SOX5: variants seen among roughly 807,000 people sequenced by gnomAD.
The protein encoded by SOX5 is transcription factor SOX-5.
SOX5 carries 9 observed loss-of-function variants against 92.0 expected under a neutral mutation model. The ratio of observed to expected loss-of-function variants is 0.10; its 90% CI spans 0.06 to 0.17. The LOEUF is 0.17. SOX5 is among the 10% of genes least tolerant of loss of function. The pLI is 1.00. For missense variants in SOX5, 642 were observed against 944.5 expected (o/e 0.68, Z 4.20); for synonymous variants, 344 against 336.3 (o/e 1.02, Z -0.25).
Position 23,591,306 on chromosome 12 carries a change from GTTA to G in SOX5, c.1164+13078_1164+13080del, listed in dbSNP as rs1475153784. Among the ~76,000 whole-genome samples, 4 of 152,168 alleles carry G rather than the reference GTTA, an allele frequency of 2.6e-5. No homozygotes were observed. In the East Asian group the frequency reaches 7.7e-4, roughly 29 times the overall value. ...AGGGTTCAATTAATATTAAGATTTA[GTTA>G]TTATAATGCAAACATTAATCAGGTG... On this transcript the variant is annotated intron_variant, in intron 9 of 14. Coordinates refer to ENST00000451604, the MANE Select transcript of SOX5 (RefSeq NM_006940.6).
At chr12:24,443,667 G>A (rs1234027506) in intron 1 of SOX5, among the ~76,000 whole-genome samples, 1 of 152,218 alleles carries the variant, frequency 6.6e-6, no homozygotes, top group Non-Finnish European at 1.5e-5. Context: ...ACTGAGACTG[G>A]TTAGCTGAAG....
intron 4 of SOX5, among the ~76,000 whole-genome samples, chr12:24,191,186 GA>G (rs1956488987): frequency 6.6e-6 from 1 of 152,192 alleles, no homozygotes; most frequent in African/African-American, 2.4e-5. Context: ...AGTCAAAGAA[GA>G]CGACAGTGAT....
chr12:24,468,385 A>G, intron 1 of SOX5, among the ~76,000 whole-genome samples: 1 of 151,946 alleles, frequency 6.6e-6, no homozygotes, highest in East Asian at 1.9e-4. Flanking sequence ...AAATTAGTTC[A>G]TGTACAGCAT....
At chr12:23,590,673 CT>C (rs796187004) in intron 9 of SOX5, among the ~76,000 whole-genome samples, 1 of 152,000 alleles carries the variant, frequency 6.6e-6, no homozygotes, top group East Asian at 1.9e-4. Context: ...AATTGCTGTT[CT>C]TTTTTTATTC....
At chr12:24,015,606 G>C (rs1953498505) in intron 4 of SOX5, among the ~76,000 whole-genome samples, 1 of 152,136 alleles carries the variant, frequency 6.6e-6, no homozygotes, top group African/African-American at 2.4e-5. Context: ...CTAATACACT[G>C]TATATACTGA....
At chr12:24,540,553 T>C (rs1952029873) in intron 1 of SOX5, among the ~76,000 whole-genome samples, 1 of 152,158 alleles carries the variant, frequency 6.6e-6, no homozygotes. Flanking sequence ...TTTCATCATT[T>C]CAGAGAGACA....
At chr12:23,824,370 A>G (rs969931019) in intron 3 of SOX5, among the ~76,000 whole-genome samples, 1 of 152,346 alleles carries the variant, frequency 6.6e-6, no homozygotes, top group Non-Finnish European at 1.5e-5. Flanking sequence ...TCTAACAGTC[A>G]GACCTCTCTT....
chr12:24,529,963 T>C (rs1951038822), intron 1 of SOX5, among the ~76,000 whole-genome samples: 1 of 135,754 alleles, frequency 7.4e-6, no homozygotes, highest in Non-Finnish European at 1.5e-5. Flanking sequence ...GAGCTTGCAG[T>C]GAGCTGAGAT....
At position 23,719,808 on chromosome 12, in the gene SOX5, A is replaced by C. The variant is rs1466182440; in HGVS notation, c.810+14876T>G. On this transcript the variant is annotated intron_variant, in intron 6 of 14. Transcript: ENST00000451604. Reference sequence around the variant, plus strand: ...TTTACCAAAAAAAAAAAAAAAAAAAAAAACTGATGGATAGTTATTTCTGCA... The same window carrying C: ...TTTACCAAAAAAAAAAAAAAAAAAACAAACTGATGGATAGTTATTTCTGCA... 9.7e-5 allele frequency among the ~76,000 whole-genome samples: 11 copies of C among 113,802 alleles called. No homozygotes were observed. The East Asian group carries it at 2.9e-3, about 30-fold the overall frequency. 74.7% of individuals were successfully genotyped at this position (113,802 alleles called of 152,430 possible).
At chr12:23,863,210 G>A (rs1041442701) in intron 2 of SOX5, among the ~76,000 whole-genome samples, 2 of 152,060 alleles carry the variant, frequency 1.3e-5, no homozygotes, top group Non-Finnish European at 2.9e-5. Context: ...TGTAACATGG[G>A]TTAGCTAATT....
intron 2 of SOX5, among the ~76,000 whole-genome samples, chr12:24,344,100 T>C (rs891954269): frequency 2.3e-4 from 35 of 151,816 alleles, no homozygotes; most frequent in Non-Finnish European, 1.0e-4. Context: ...CTGACCAACA[T>C]GGTGAAACCC....
chr12:24,009,660 C>T (rs1460863372), intron 4 of SOX5, among the ~76,000 whole-genome samples: 1 of 152,150 alleles, frequency 6.6e-6, no homozygotes, highest in East Asian at 1.9e-4. Flanking sequence ...TGGCTTGAAA[C>T]ATTCATTATT....
chr12:24,049,746 T>C (rs977378821), intron 4 of SOX5, among the ~76,000 whole-genome samples: 1 of 145,448 alleles, frequency 6.9e-6, no homozygotes, highest in African/African-American at 2.6e-5. Context: ...TCTCTGGAGA[T>C]AATGTCACAT....
At chr12:24,323,929 A>G (rs1036601347) in intron 2 of SOX5, among the ~76,000 whole-genome samples, 1 of 152,134 alleles carries the variant, frequency 6.6e-6, no homozygotes. Flanking sequence ...AAAATGTTCA[A>G]TTAAGAAATA....
At chr12:23,809,474 A>G (rs2095838528) in intron 3 of SOX5, among the ~76,000 whole-genome samples, 1 of 152,042 alleles carries the variant, frequency 6.6e-6, no homozygotes, top group African/African-American at 2.4e-5. Flanking sequence ...TAAATTTTAA[A>G]AAAAATTATA....
intron 8 of SOX5, among the ~76,000 whole-genome samples, chr12:23,618,866 C>T (rs1349731397): frequency 6.6e-6 from 1 of 152,006 alleles, no homozygotes. Flanking sequence ...AGGTGGAATC[C>T]CCCACCTGCT....
intron 1 of SOX5, among the ~76,000 whole-genome samples, chr12:24,492,212 G>A (rs1372374065): frequency 1.3e-5 from 2 of 152,062 alleles, no homozygotes; most frequent in Admixed American, 6.5e-5. Flanking sequence ...AAAGTTCAAG[G>A]GTAGTACCAA....
At chr12:24,032,569 G>A (rs1455389641) in intron 4 of SOX5, among the ~76,000 whole-genome samples, 2 of 151,720 alleles carry the variant, frequency 1.3e-5, no homozygotes, top group Admixed American at 6.6e-5. Flanking sequence ...GAATTAATCT[G>A]GTGTGCTAGC....
chr12:24,209,986 C>A (rs1403379909), intron 4 of SOX5, among the ~76,000 whole-genome samples: 2 of 132,748 alleles, frequency 1.5e-5, no homozygotes, highest in Non-Finnish European at 3.1e-5. Flanking sequence ...CCACTGCACT[C>A]CAGCCTGGGC....
Sources: allele counts gnomAD v4.1 joint callset (sites outside exome capture counted in the v4.1 genomes callset), GRCh38; gene constraint gnomAD v4.1.1; transcripts MANE v1.5; gene names NCBI Gene and HGNC (gene_info 2026-07-23, HGNC 2026-07-21).